Variants in CALN1 observed in about 807,000 individuals in gnomAD.
CALN1 encodes calneuron 1.
In CALN1, 17 loss-of-function variants were observed where a neutral mutation model predicts 30.6. The ratio of observed to expected loss-of-function variants is 0.56; its 90% CI spans 0.38 to 0.83. CALN1 has a LOEUF of 0.83. Among genes scored for constraint, CALN1 ranks in the 40% least tolerant of loss-of-function variants. The probability of loss-of-function intolerance (pLI) is 0.00; values close to 1 mark genes in which losing one functional copy is unlikely to be tolerated. For missense variants in CALN1, 291 were observed against 354.9 expected (o/e 0.82, Z 1.45); for synonymous variants, 156 against 131.4 (o/e 1.19, Z -1.28).
At chr7:71,854,427 A>C (rs528904035) in intron 5 of CALN1, among the ~76,000 whole-genome samples, 2 of 152,318 alleles carry the variant, frequency 1.3e-5, no homozygotes, top group East Asian at 1.9e-4. Flanking sequence ...AATGGCATAC[A>C]AAAGAGATAT....
intron 5 of CALN1, among the ~76,000 whole-genome samples, chr7:71,853,442 GTGA>G: frequency 6.6e-6 from 1 of 151,958 alleles, no homozygotes; most frequent in Middle Eastern, 3.4e-3. Context: ...ATCAGTTTTT[GTGA>G]TGAGAACATT....
chr7:72,336,871 G>A (rs1251003350), intron 2 of CALN1: 7 of 984,868 alleles, frequency 7.1e-6, no homozygotes, highest in African/African-American at 5.3e-5. Flanking sequence ...TCCCCGTGCC[G>A]GCATCCTCGC....
At chr7:71,822,736 G>T (rs559830057) in intron 5 of CALN1, among the ~76,000 whole-genome samples, 1 of 152,112 alleles carries the variant, frequency 6.6e-6, no homozygotes, top group East Asian at 1.9e-4. Flanking sequence ...AAGATTAATA[G>T]ACCTTTTATT....
chr7:72,107,508 C>G (rs1232052717), intron 3 of CALN1, among the ~76,000 whole-genome samples: 1 of 152,248 alleles, frequency 6.6e-6, no homozygotes, highest in Admixed American at 6.5e-5. Flanking sequence ...AATCTCTCCT[C>G]TTCCCCTAAA....
intron 2 of CALN1, among the ~76,000 whole-genome samples, chr7:72,354,472 A>G (rs1486294903): frequency 6.6e-6 from 1 of 152,202 alleles, no homozygotes; most frequent in Non-Finnish European, 1.5e-5. Flanking sequence ...ATATGTATGC[A>G]AAGGACATAG....
chr7:72,487,955 A>AAAGGAAGG, the CALN1 span, among the ~76,000 whole-genome samples: 580 of 54,100 alleles, frequency 0.011, 26 homozygotes, highest in African/African-American at 0.028. Context: ...GGAAGGAAGG[A>AAAGGAAGG]AAGGAAGGAA....
intron 4 of CALN1, among the ~76,000 whole-genome samples, chr7:72,067,667 G>A (rs1804115013): frequency 6.6e-6 from 1 of 152,202 alleles, no homozygotes; most frequent in Non-Finnish European, 1.5e-5. Context: ...AGGGGAATCT[G>A]TCAATAAGTT....
At chr7:72,341,256 C>T (rs1802368327) in intron 2 of CALN1, among the ~76,000 whole-genome samples, 2 of 152,192 alleles carry the variant, frequency 1.3e-5, no homozygotes, top group Admixed American at 6.5e-5. Flanking sequence ...AGCACGGTGG[C>T]TGAAGCCTGT....
intron 5 of CALN1, among the ~76,000 whole-genome samples, chr7:72,011,458 ACCAT>A (rs1426316932): frequency 3.3e-5 from 5 of 152,088 alleles, no homozygotes; most frequent in Non-Finnish European, 7.4e-5. Flanking sequence ...CCTCCAGGAC[ACCAT>A]CCCTGAAGCA....
chr7:71,986,159 T>C (rs1006141175), intron 5 of CALN1, among the ~76,000 whole-genome samples: 3 of 152,132 alleles, frequency 2.0e-5, no homozygotes, highest in Non-Finnish European at 4.4e-5. Context: ...GCAATTCTCC[T>C]GCGTCAGCCT....
intron 2 of CALN1, among the ~76,000 whole-genome samples, chr7:72,375,672 G>C (rs1413273115): frequency 6.6e-6 from 1 of 151,896 alleles, no homozygotes; most frequent in Non-Finnish European, 1.5e-5. Flanking sequence ...TTTTGAGACA[G>C]TGTCTTGCTA....
chr7:71,846,630 C>T (rs993805944), intron 5 of CALN1, among the ~76,000 whole-genome samples: 1 of 151,424 alleles, frequency 6.6e-6, no homozygotes, highest in African/African-American at 2.4e-5. Context: ...CAGGGTAACC[C>T]TCCTTCTATT....
intron 2 of CALN1, among the ~76,000 whole-genome samples, chr7:72,397,274 G>A (rs1172163045): frequency 1.3e-5 from 2 of 152,156 alleles, no homozygotes; most frequent in African/African-American, 4.8e-5. Context: ...GAAAACAGCT[G>A]TCAGGGAGGA....
intron 5 of CALN1, among the ~76,000 whole-genome samples, chr7:71,835,427 G>A (rs1265486823): frequency 2.0e-5 from 3 of 152,136 alleles, no homozygotes; most frequent in East Asian, 3.9e-4. Flanking sequence ...ACCATATCAC[G>A]AACTTAGCCT....
intron 3 of CALN1, among the ~76,000 whole-genome samples, chr7:72,256,111 T>C (rs1011281832): frequency 2.0e-5 from 3 of 152,146 alleles, no homozygotes; most frequent in African/African-American, 7.2e-5. Context: ...ATTATTAGTG[T>C]CCTATTAGAT....
chr7:72,165,041 T>C lies in CALN1; in HGVS notation c.245-58747A>G, dbSNP rs148452946. Among the ~76,000 whole-genome samples, 678 of 152,280 alleles carry C rather than the reference T, an allele frequency of 4.5e-3. 3 individuals are homozygous for C. Among genetic ancestry groups the C allele is most frequent in the African/African-American group, 0.016 (658 of 41,554 alleles). On this transcript the variant is annotated intron_variant, in intron 3 of 6. Transcript: ENST00000395275. ...TACATAGGCATATACATTTACCAAA[T>C]TCATCAAATTGTGCACCAAAGCCCT...
intron 3 of CALN1, among the ~76,000 whole-genome samples, chr7:72,212,209 C>T (rs984754754): frequency 3.3e-5 from 5 of 151,956 alleles, no homozygotes; most frequent in Admixed American, 2.0e-4. Context: ...ATTAACCAGG[C>T]GTGGTGGCAG....
intron 2 of CALN1, among the ~76,000 whole-genome samples, chr7:72,365,659 G>A (rs1031323878): frequency 7.2e-5 from 11 of 152,074 alleles, no homozygotes; most frequent in South Asian, 2.1e-4. Flanking sequence ...CCCAACTTCT[G>A]AGCCCAAGGG....
intron 5 of CALN1, among the ~76,000 whole-genome samples, chr7:71,852,262 G>A (rs902400934): frequency 3.9e-5 from 6 of 151,988 alleles, no homozygotes; most frequent in East Asian, 1.9e-4. Context: ...ATCATTTTAC[G>A]GACATATGTT....
Sources: gnomAD v4.1 joint callset for allele counts (sites outside exome capture counted in the v4.1 genomes callset) on GRCh38, gnomAD v4.1.1 for gene constraint, MANE v1.5 for transcripts, NCBI Gene and HGNC (gene_info 2026-07-23, HGNC 2026-07-21) for gene names.